The following FSTL4 variants were observed in gnomAD, a reference collection of about 807,000 sequenced individuals.
The protein encoded by FSTL4 is follistatin-related protein 4.
A neutral mutation model predicts 78.2 loss-of-function variants in FSTL4; 28 were observed. That is an observed-to-expected ratio of 0.36 (90% confidence interval 0.27 to 0.49). The LOEUF (loss-of-function observed/expected upper bound fraction) is 0.49. FSTL4 is among the 20% of genes least tolerant of loss of function. The pLI, the probability that FSTL4 is intolerant of heterozygous loss-of-function variation, is 0.98. For synonymous variants in FSTL4, 422 were observed against 440.5 expected, an observed-to-expected ratio of 0.96 and a Z score of 0.53; for missense variants, 922 against 1,084.9, an observed-to-expected ratio of 0.85 and a Z score of 2.11.
At chr5:133,752,060 T>C in the FSTL4 span, among the ~76,000 whole-genome samples, 1 of 152,164 alleles carries the variant, frequency 6.6e-6, no homozygotes, top group Non-Finnish European at 1.5e-5. Flanking sequence ...ACACTGGAGA[T>C]GCTGTCCACC....
chr5:133,390,872 C>T (rs996744260), intron 4 of FSTL4, among the ~76,000 whole-genome samples: 1 of 152,102 alleles, frequency 6.6e-6, no homozygotes, highest in Non-Finnish European at 1.5e-5. Flanking sequence ...TCCAGAAAAG[C>T]AGGCAGAGAG....
chr5:133,620,103 G>T, the FSTL4 span, among the ~76,000 whole-genome samples: 1 of 152,148 alleles, frequency 6.6e-6, no homozygotes, highest in Non-Finnish European at 1.5e-5. Flanking sequence ...GGGATAGAAT[G>T]TATACAAAAA....
At chr5:133,805,007 C>A in the FSTL4 span, among the ~76,000 whole-genome samples, 1 of 151,036 alleles carries the variant, frequency 6.6e-6, no homozygotes, top group African/African-American at 2.4e-5. Flanking sequence ...CCTCAGGCAA[C>A]CTTCTCCTAA....
At chr5:133,704,192 G>A in the FSTL4 span, among the ~76,000 whole-genome samples, 2 of 152,174 alleles carry the variant, frequency 1.3e-5, no homozygotes, top group African/African-American at 4.8e-5. Flanking sequence ...GATGGAGGAG[G>A]AAACTGGGAA....
intron 3 of FSTL4, among the ~76,000 whole-genome samples, chr5:133,508,382 T>C (rs1758655476): frequency 6.6e-6 from 1 of 152,230 alleles, no homozygotes; most frequent in African/African-American, 2.4e-5. Flanking sequence ...AGGTCTGAGC[T>C]ACCTTTGGGA....
At chr5:133,646,465 G>T in the FSTL4 span, among the ~76,000 whole-genome samples, 5 of 152,256 alleles carry the variant, frequency 3.3e-5, no homozygotes, top group Middle Eastern at 3.4e-3. Flanking sequence ...ACTTCGGATG[G>T]TTGAGAGCAA....
chr5:133,292,608 TG>T (rs1207019878), intron 6 of FSTL4, among the ~76,000 whole-genome samples: 1 of 151,936 alleles, frequency 6.6e-6, no homozygotes, highest in Non-Finnish European at 1.5e-5. Context: ...GAGACTCTCA[TG>T]CTTCCTGAGA....
At chr5:133,666,577 T>C in the FSTL4 span, among the ~76,000 whole-genome samples, 1 of 141,322 alleles carries the variant, frequency 7.1e-6, no homozygotes, top group African/African-American at 2.7e-5. Context: ...CTGTTCTCTG[T>C]TTAAAAAAAA....
intron 3 of FSTL4, among the ~76,000 whole-genome samples, chr5:133,461,634 A>AC (rs1757595194): frequency 6.6e-6 from 1 of 152,196 alleles, no homozygotes; most frequent in Non-Finnish European, 1.5e-5. Flanking sequence ...GACTGACTGG[A>AC]CATATCTGGG....
At chr5:133,801,195 G>A in the FSTL4 span, among the ~76,000 whole-genome samples, 5 of 152,110 alleles carry the variant, frequency 3.3e-5, no homozygotes, top group African/African-American at 1.2e-4. Context: ...CCACTGCTGC[G>A]ACTTTGCTCA....
the FSTL4 span, among the ~76,000 whole-genome samples, chr5:133,755,216 T>C: frequency 6.6e-6 from 1 of 152,226 alleles, no homozygotes; most frequent in African/African-American, 2.4e-5. Context: ...CAGTTCCTTT[T>C]GGCCAAGGGC....
At chr5:133,727,239 A>T in the FSTL4 span, among the ~76,000 whole-genome samples, 1 of 152,212 alleles carries the variant, frequency 6.6e-6, no homozygotes, top group African/African-American at 2.4e-5. Context: ...TTTAATGACT[A>T]TAAGATTTAG....
chr5:133,778,642 A>G, the FSTL4 span, among the ~76,000 whole-genome samples: 1 of 152,204 alleles, frequency 6.6e-6, no homozygotes, highest in Admixed American at 6.5e-5. Context: ...GTGACAGAGC[A>G]GGTGCCTCTG....
chr5:133,442,139 A>G (rs1007572338), intron 3 of FSTL4, among the ~76,000 whole-genome samples: 3 of 152,214 alleles, frequency 2.0e-5, no homozygotes, highest in Non-Finnish European at 2.9e-5. Context: ...AAAGGTCTCA[A>G]CTGATTATCT....
intron 13 of FSTL4, chr5:133,211,009 T>G (rs1008431846): frequency 6.6e-6 from 1 of 152,276 alleles, no homozygotes; most frequent in Non-Finnish European, 1.5e-5. Context: ...TCCTTCCTCC[T>G]AGGTCATCTG....
intron 3 of FSTL4, among the ~76,000 whole-genome samples, chr5:133,439,595 T>C (rs1757108707): frequency 6.6e-6 from 1 of 152,140 alleles, no homozygotes; most frequent in Non-Finnish European, 1.5e-5. Flanking sequence ...TGCCAGCTCG[T>C]GGGGGTAACT....
the FSTL4 span, among the ~76,000 whole-genome samples, chr5:133,834,332 C>A: frequency 2.0e-5 from 3 of 151,800 alleles, no homozygotes; most frequent in African/African-American, 7.3e-5. Flanking sequence ...AATGGATAAG[C>A]ACAAGACAGG....
intron 6 of FSTL4, among the ~76,000 whole-genome samples, chr5:133,256,729 C>T (rs1752390323): frequency 6.6e-6 from 1 of 152,240 alleles, no homozygotes; most frequent in African/African-American, 2.4e-5. Flanking sequence ...TCTGTATTAG[C>T]CAGACTTGCT....
intron 5 of FSTL4, among the ~76,000 whole-genome samples, chr5:133,314,304 T>C (rs939780453): frequency 2.6e-5 from 4 of 152,180 alleles, no homozygotes; most frequent in Non-Finnish European, 5.9e-5. Flanking sequence ...GGCCTAGTGC[T>C]GATGGAGGTG....
Sources: gnomAD v4.1 joint callset for allele counts (sites outside exome capture counted in the v4.1 genomes callset) on GRCh38, gnomAD v4.1.1 for gene constraint, MANE v1.5 for transcripts, NCBI Gene and HGNC (gene_info 2026-07-23, HGNC 2026-07-21) for gene names.